Variants in KIAA1549 observed in about 807,000 individuals in gnomAD.
The protein encoded by KIAA1549 is UPF0606 protein KIAA1549.
A neutral mutation model predicts 156.4 loss-of-function variants in KIAA1549; 70 were observed. The observed-to-expected ratio is 0.45, with a 90% CI of 0.37 to 0.55. KIAA1549 has a LOEUF of 0.55. Ranked by LOEUF, KIAA1549 falls within the 20% of genes least tolerant of loss-of-function variation. The pLI is 0.00. For synonymous variants in KIAA1549, 1,103 were observed against 1,066.4 expected (o/e 1.03, Z -0.67); for missense variants, 2,428 against 2,540.9 (o/e 0.96, Z 0.96).
intron 1 of KIAA1549, among the ~76,000 whole-genome samples, chr7:138,979,953 G>A (rs893541776): frequency 2.0e-5 from 3 of 152,192 alleles, no homozygotes; most frequent in Non-Finnish European, 2.9e-5. Context: ...CCTGTTCCAT[G>A]ATCCCTGAAG....
intron 2 of KIAA1549, among the ~76,000 whole-genome samples, chr7:138,914,024 A>AAGGAAGGG (rs1402520483): frequency 7.1e-6 from 1 of 140,608 alleles, no homozygotes; most frequent in African/African-American, 2.6e-5. Flanking sequence ...GGAAGGAAGA[A>AAGGAAGGG]AGGAAGGGAG....
In KIAA1549 at chr7:138,981,330, G is replaced by C; in HGVS notation, c.-61C>G. On this transcript the variant is annotated 5_prime_UTR_variant, in exon 1 of 20. Coordinates refer to ENST00000422774, the MANE Select transcript of KIAA1549 (RefSeq NM_001164665.2). This position sits in a 1 kb window ranked among gnomAD's most constrained non-coding sequence, Gnocchi z 4.5. ...GCGGCTCTCGGGTCCGGGAGGGGCGGCCGCTGCGGCTGCGGCTGGGACGGG... is the reference window on the plus strand; with the variant it reads ...GCGGCTCTCGGGTCCGGGAGGGGCGCCCGCTGCGGCTGCGGCTGGGACGGG... The C allele has an allele frequency of 1.4e-5, 10 of 694,574 alleles. No homozygotes were observed. Among genetic ancestry groups the C allele is most frequent in the Non-Finnish European group, 1.8e-5 (10 of 567,076 alleles). 43.0% of individuals were successfully genotyped at this position (694,574 alleles called of 1,614,324 possible). A position where few individuals can be genotyped will look rare whatever the true frequency, so the allele number is the denominator to read the frequency against.
At chr7:138,847,935 C>A (rs200678078) in intron 17 of KIAA1549, among the ~76,000 whole-genome samples, 1 of 143,974 alleles carries the variant, frequency 6.9e-6, no homozygotes, top group South Asian at 2.2e-4. Flanking sequence ...GTTTTATATT[C>A]TAAGTGTTAT....
In KIAA1549 at chr7:138,840,208, C is replaced by T. The variant is rs199869689; in HGVS notation, c.5523G>A (p.Pro1841=). The T allele has an allele frequency of 2.5e-4, 387 of 1,576,658 alleles. No individual in the cohort carries two copies. Among genetic ancestry groups the T allele is most frequent in the Admixed American group, 1.1e-3 (57 of 53,828 alleles). Residue 1841 remains proline, a synonymous_variant, in exon 19 of 20, where the codon CCG becomes CCA. Coordinates refer to ENST00000422774, the MANE Select transcript of KIAA1549 (RefSeq NM_001164665.2). ...CCCCATACTGGCTGCCTCTGCTTGG[C>T]GGGATTTCCACTGGCTGAGCTCCAA... ...SRIGAQPVEI[P]PSRGSQYGGP... is the part of the protein sequence containing the mutation.
chr7:138,890,615 CTGT>C (rs1811519885), intron 10 of KIAA1549, among the ~76,000 whole-genome samples: 1 of 152,248 alleles, frequency 6.6e-6, no homozygotes, highest in East Asian at 1.9e-4. Flanking sequence ...GGTCAGCCAG[CTGT>C]GGGTGAACTG....
intron 1 of KIAA1549, among the ~76,000 whole-genome samples, chr7:138,979,977 T>C (rs966532869): frequency 6.6e-6 from 1 of 152,192 alleles, no homozygotes; most frequent in African/African-American, 2.4e-5. Context: ...TCCCTGTGCT[T>C]CTATTGTACC....
chr7:138,882,869 C>T (rs1811282158), intron 10 of KIAA1549, among the ~76,000 whole-genome samples: 1 of 152,056 alleles, frequency 6.6e-6, no homozygotes, highest in African/African-American at 2.4e-5. Context: ...CATCACCCCA[C>T]ACCAAACCCA....
chr7:138,857,633 A>G (rs1043946647), intron 16 of KIAA1549, among the ~76,000 whole-genome samples: 7 of 152,222 alleles, frequency 4.6e-5, no homozygotes. Flanking sequence ...ATGCAGTTTT[A>G]TCAGTTTTTG....
At chr7:138,884,282 G>C (rs1407801982) in intron 10 of KIAA1549, among the ~76,000 whole-genome samples, 8 of 149,962 alleles carry the variant, frequency 5.3e-5, no homozygotes, top group Non-Finnish European at 8.9e-5. Context: ...CTCTTCATTT[G>C]TGCGCTTGCG....
intron 1 of KIAA1549, among the ~76,000 whole-genome samples, chr7:138,966,436 C>CTCACACAA (rs1181376693): frequency 6.6e-6 from 1 of 151,970 alleles, no homozygotes; most frequent in Non-Finnish European, 1.5e-5. Flanking sequence ...GAGTATTAAA[C>CTCACACAA]TCACACAATC....
intron 5 of KIAA1549, among the ~76,000 whole-genome samples, 171 bp from the exon 6 acceptor site, chr7:138,907,273 T>A (rs1054593718): frequency 6.6e-6 from 1 of 152,206 alleles, no homozygotes; most frequent in Non-Finnish European, 1.5e-5. Context: ...GTTTAACTGC[T>A]CAGTTTATGG....
In KIAA1549 at chr7:138,918,241, G is replaced by C. The variant is rs748604284; in HGVS notation, c.1385C>G (p.Ser462Cys). ...CMTVLEESSI[S>C]LMSSVVADFS... ...GTCTGCTACGACGCTACTCATTAGA[G>C]AGATGCTGCTTTCTTCCAGCACGGT... Residue 462 changes from serine (S) to cysteine (C), a missense_variant, in exon 2 of 20, where the codon TCT (serine) becomes TGT (cysteine). Ser to Cys is a moderately radical substitution (Grantham distance 112). This residue lies in a region of KIAA1549 where 893 missense variants were observed against 847.9 expected (regional missense o/e 1.05). Coordinates refer to ENST00000422774, the MANE Select transcript of KIAA1549 (RefSeq NM_001164665.2). The surrounding 1 kb of genome is among the most constrained non-coding windows in gnomAD (Gnocchi z 4.2). 6.2e-7 allele frequency: 1 copy of C among 1,613,910 alleles called. No individual in the cohort carries two copies. The highest frequency in any genetic ancestry group is 2.2e-5 in the East Asian group (1 of 44,892).
chr7:138,961,878 G>T (rs1246990177), intron 1 of KIAA1549, among the ~76,000 whole-genome samples: 1 of 149,798 alleles, frequency 6.7e-6, no homozygotes, highest in Non-Finnish European at 1.5e-5. Flanking sequence ...AAAGGAAAAA[G>T]AAAAGAAAGG....
chr7:138,850,858 T>C (rs930851666), intron 17 of KIAA1549, among the ~76,000 whole-genome samples: 3 of 152,344 alleles, frequency 2.0e-5, no homozygotes, highest in African/African-American at 7.2e-5. Context: ...TTTTGGTTTC[T>C]AACTTAATTC....
At position 138,924,855 on chromosome 7, in the gene KIAA1549, A is replaced by G. The variant is rs550829720; in HGVS notation, c.188-5417T>C. On this transcript the variant is annotated intron_variant, in intron 1 of 19. Transcript: ENST00000422774. ...CAAGCTCTAAAGCATAGGTTCACAA[A>G]AGAGAGAAAGGTTCTCTCTTGGATG... Among the ~76,000 whole-genome samples, 4 of 152,226 alleles carry G rather than the reference A, an allele frequency of 2.6e-5. No individual in the cohort carries two copies. The South Asian group carries it at 6.2e-4, about 24-fold the overall frequency.
chr7:138,938,742 T>C (rs1813089499), intron 1 of KIAA1549, among the ~76,000 whole-genome samples: 1 of 152,254 alleles, frequency 6.6e-6, no homozygotes, highest in Non-Finnish European at 1.5e-5. Context: ...AACCCAATTT[T>C]GGCATTTTAA....
intron 1 of KIAA1549, among the ~76,000 whole-genome samples, chr7:138,977,995 T>C (rs957780575): frequency 1.3e-5 from 2 of 152,172 alleles, no homozygotes; most frequent in African/African-American, 4.8e-5. Flanking sequence ...CCAGCGCGCA[T>C]GGCCAGCAGA....
chr7:138,903,042 TAG>T (rs1437090907), intron 8 of KIAA1549, among the ~76,000 whole-genome samples: 1 of 152,204 alleles, frequency 6.6e-6, no homozygotes, highest in Non-Finnish European at 1.5e-5. Flanking sequence ...ATGTAATTTC[TAG>T]AGAGAGGCGA....
In KIAA1549 at chr7:138,879,651, ACT is replaced by A; in HGVS notation, c.4230_4231del (p.Arg1410SerfsTer7). ...CGTAGAGTCAGCATCTGAGGGAGAA[ACT>A]CTGCAGACACAAAATGAATTGCAAA... On this transcript the variant is annotated frameshift_variant and splice_region_variant, in exon 12 of 20. Transcript: ENST00000422774. LOFTEE classifies it high-confidence loss of function. The A allele has an allele frequency of 6.6e-7, 1 of 1,509,796 alleles. No homozygotes were observed. Among genetic ancestry groups the A allele is most frequent in the Non-Finnish European group, 8.9e-7 (1 of 1,118,266 alleles). The allele number at this position is 1,509,796 out of a possible 1,614,324, so 93.5% of individuals were successfully genotyped here. A position where few individuals can be genotyped will look rare whatever the true frequency, so the allele number is the denominator to read the frequency against.
Sources: gnomAD v4.1 joint callset for allele counts (sites outside exome capture counted in the v4.1 genomes callset) on GRCh38, gnomAD v4.1.1 for gene constraint, gnomAD v4.1.1 regional missense constraint, Gnocchi (gnomAD v3.1) non-coding constraint, MANE v1.5 for transcripts, NCBI Gene and HGNC (gene_info 2026-07-23, HGNC 2026-07-21) for gene names.